The following TNS3 variants were observed in gnomAD, a reference collection of about 807,000 sequenced individuals.
TNS3 encodes tensin-3.
TNS3 carries 45 observed loss-of-function variants against 140.9 expected under a neutral mutation model. The observed-to-expected ratio is 0.32, with a 90% confidence interval of 0.25 to 0.41. The LOEUF is 0.41. Among genes scored for constraint, TNS3 ranks in the 10% least tolerant of loss-of-function variants. The probability of loss-of-function intolerance (pLI) is 1.00; values close to 1 mark genes in which losing one functional copy is unlikely to be tolerated. For missense variants in TNS3, 1,716 were observed against 1,906.7 expected (o/e 0.90, Z 1.86); for synonymous variants, 815 against 788.4 (o/e 1.03, Z -0.56).
At position 47,340,002 on chromosome 7, in the gene TNS3, C is replaced by T. The variant is rs1398233260; in HGVS notation, c.2650+4753G>A. ...ATATGTATACATATGCGATCATATG[C>T]CACCTCTATGTCCTTTTCATAAATA... On this transcript the variant is annotated intron_variant, in intron 20 of 30. Transcript: ENST00000311160. 2.2e-5 allele frequency among the ~76,000 whole-genome samples: 3 copies of T among 136,958 alleles called. No homozygotes were observed. In the Admixed American group the frequency reaches 2.3e-4, roughly 10 times the overall value. 89.8% of individuals were successfully genotyped at this position (136,958 alleles called of 152,430 possible).
intron 12 of TNS3, among the ~76,000 whole-genome samples, chr7:47,413,249 G>GC (rs1306019987): frequency 5.3e-4 from 63 of 117,904 alleles, no homozygotes; most frequent in Admixed American, 1.6e-3. Flanking sequence ...ACCAAGCCTG[G>GC]CCTTTTTTTT....
At chr7:47,482,502 A>G (rs1409455287) in intron 3 of TNS3, among the ~76,000 whole-genome samples, 1 of 152,226 alleles carries the variant, frequency 6.6e-6, no homozygotes, top group Non-Finnish European at 1.5e-5. Context: ...ACAGCTTTGG[A>G]AACAGAAGGA....
rs79270753 is a variant in TNS3 at position 47,304,711 on chromosome 7, G to A, written c.2822+121C>T. 1,524 of 1,059,284 alleles carry A rather than the reference G, an allele frequency of 1.4e-3. 2 individuals are homozygous for A. Among genetic ancestry groups the A allele is most frequent in the Non-Finnish European group, 1.8e-3 (1,467 of 812,434 alleles). The allele number at this position is 1,059,284 out of a possible 1,614,324, so 65.6% of individuals were successfully genotyped here. A position where few individuals can be genotyped will look rare whatever the true frequency, so the allele number is the denominator to read the frequency against. On this transcript the variant is annotated intron_variant, in intron 21 of 30. Transcript: ENST00000311160. ...CCTGCCCCGCCCCATCTTCAGGCCA[G>A]TCCCTGCCTGGTCTAGCTTCAGCTT... is the stretch of plus-strand genomic sequence containing the variant.
At chr7:47,447,561 C>T (rs147033784) in intron 4 of TNS3, among the ~76,000 whole-genome samples, 146 of 152,202 alleles carry the variant, frequency 9.6e-4, no homozygotes, top group African/African-American at 3.3e-3. Flanking sequence ...CATGTCCCGA[C>T]CTCACCTTGG....
intron 3 of TNS3, among the ~76,000 whole-genome samples, chr7:47,482,371 A>G (rs572417178): frequency 6.6e-6 from 1 of 152,306 alleles, no homozygotes; most frequent in East Asian, 1.9e-4. Context: ...TCATTACTCC[A>G]CCATGGCTCT....
chr7:47,468,458 T>C (rs1796814200), intron 4 of TNS3, among the ~76,000 whole-genome samples: 1 of 152,044 alleles, frequency 6.6e-6, no homozygotes, highest in Non-Finnish European at 1.5e-5. Context: ...AATAAATAAA[T>C]AAATAAAATC....
chr7:47,454,262 G>T (rs1796153287), intron 4 of TNS3, among the ~76,000 whole-genome samples: 1 of 152,188 alleles, frequency 6.6e-6, no homozygotes, highest in African/African-American at 2.4e-5. Flanking sequence ...AAGGCAGCCT[G>T]CGCTTCCTGC....
At chr7:47,470,753 TTGTGCTCCCGGGTGGATGTAAGC>T in intron 4 of TNS3, 1 of 644,062 alleles carries the variant, frequency 1.6e-6, no homozygotes, top group South Asian at 6.9e-5. Flanking sequence ...AGCCAAGGCT[TTGTGCTCCCGGGTGGATGTAAGC>T]TGACACCAGG....
chr7:47,440,485 G>A (rs938982150), intron 5 of TNS3, among the ~76,000 whole-genome samples: 5 of 152,212 alleles, frequency 3.3e-5, no homozygotes, highest in African/African-American at 1.2e-4. Context: ...GAAGACTGTG[G>A]AGGAGGGAAG....
At chr7:47,409,043 A>C (rs865031) in intron 13 of TNS3, among the ~76,000 whole-genome samples, 61,569 of 151,534 alleles carry the variant, frequency 0.41, 12,666 homozygotes, top group Non-Finnish European at 0.43. Context: ...ACAAAACATT[A>C]AAAAAAAAGA....
upstream of TNS3, chr7:47,582,464 C>A (rs1243906375): frequency 2.2e-6 from 1 of 456,630 alleles, no homozygotes; most frequent in Non-Finnish European, 4.4e-6. Context: ...CCTGCACAAC[C>A]AGTTCATTCT....
intron 23 of TNS3, among the ~76,000 whole-genome samples, chr7:47,300,098 G>A (rs1786303836): frequency 6.6e-6 from 1 of 152,138 alleles, no homozygotes; most frequent in Non-Finnish European, 1.5e-5. Context: ...TCCCAAAGAG[G>A]TTATCTGGGT....
chr7:47,539,371 G>A (rs143657109), intron 1 of TNS3: 1 of 336,990 alleles, frequency 3.0e-6, no homozygotes, highest in African/African-American at 2.1e-5. Context: ...TCGTGCGTGT[G>A]ATAAACCTCC....
chr7:47,555,875 C>T (rs1800181828), intron 1 of TNS3, among the ~76,000 whole-genome samples: 1 of 152,232 alleles, frequency 6.6e-6, no homozygotes, highest in South Asian at 2.1e-4. Flanking sequence ...TACTTTATCT[C>T]AATATTCATT....
intron 1 of TNS3, among the ~76,000 whole-genome samples, chr7:47,537,107 T>G (rs1032261231): frequency 6.6e-6 from 1 of 151,676 alleles, no homozygotes; most frequent in Non-Finnish European, 1.5e-5. Flanking sequence ...CGCAGCCTCA[T>G]GGCTGCCCCT....
chr7:47,534,921 G>A (rs1419322021), intron 1 of TNS3, among the ~76,000 whole-genome samples: 1 of 152,058 alleles, frequency 6.6e-6, no homozygotes, highest in African/African-American at 2.4e-5. Context: ...CAATGGATGA[G>A]GCATATGAGA....
chr7:47,569,511 T>C (rs1179273483), intron 1 of TNS3, among the ~76,000 whole-genome samples: 2 of 150,982 alleles, frequency 1.3e-5, no homozygotes, highest in African/African-American at 4.9e-5. Flanking sequence ...GCCACTGCAC[T>C]CCAGCCTGGG....
chr7:47,576,011 C>A (rs1360520020), intron 1 of TNS3, among the ~76,000 whole-genome samples: 10 of 151,992 alleles, frequency 6.6e-5, no homozygotes, highest in Admixed American at 6.6e-4. Flanking sequence ...GGACACAGGC[C>A]CCCTTTCCTC....
At chr7:47,492,283 G>A (rs934572869) in intron 3 of TNS3, among the ~76,000 whole-genome samples, 1 of 152,234 alleles carries the variant, frequency 6.6e-6, no homozygotes. Flanking sequence ...AGGAAGGCTG[G>A]GTTTGGAGCC....
Sources: gnomAD v4.1 joint callset for allele counts (sites outside exome capture counted in the v4.1 genomes callset) on GRCh38, gnomAD v4.1.1 for gene constraint, MANE v1.5 for transcripts, NCBI Gene and HGNC (gene_info 2026-07-23, HGNC 2026-07-21) for gene names.